The following PAN2 variants were observed in gnomAD, a reference collection of about 807,000 sequenced individuals.
PAN2 encodes the protein poly(A) specific ribonuclease subunit PAN2.
In PAN2, 68 loss-of-function variants were observed where a neutral mutation model predicts 133.3. That is an observed-to-expected ratio of 0.51 (90% CI 0.42 to 0.62). The LOEUF (loss-of-function observed/expected upper bound fraction) is 0.62. Ranked by LOEUF, PAN2 falls within the 20% of genes least tolerant of loss-of-function variation. PAN2 has a pLI of 0.00. For missense variants in PAN2, 1,042 were observed against 1,500.5 expected, an observed-to-expected ratio of 0.69 and a Z score of 5.05; for synonymous variants, 462 against 544.6, an observed-to-expected ratio of 0.85 and a Z score of 2.11.
In PAN2 at chr12:56,328,493, C is replaced by T; in HGVS notation, c.431G>A (p.Gly144Asp). The T allele has an allele frequency of 6.2e-7, 1 of 1,614,176 alleles. No homozygotes were observed. Among genetic ancestry groups the T allele is most frequent in the Non-Finnish European group, 8.5e-7 (1 of 1,179,984 alleles). ...TTACAGGTAATCAAATATAATGAGG[C>T]CCCCACGGGCCATATACTTGAGGTT... ...KNNLKYMARG[G>D]LIIFDYLLDE... The change falls in exon 3 of 26, where the codon GGC becomes GAC. Residue 144 changes from glycine to aspartate, a missense_variant. Coordinates refer to ENST00000440411, the MANE Select transcript of PAN2 (RefSeq NM_014871.6).
chr12:56,324,242 C>A, intron 12 of PAN2, 52 bp downstream of exon 12: 1 of 1,610,958 alleles, frequency 6.2e-7, no homozygotes, highest in Non-Finnish European at 8.5e-7. Context: ...CCTTTTAAAT[C>A]ACAGAGGGGC....
chr12:56,325,229 G>A (rs1874982170), intron 9 of PAN2, 101 bp from the exon 10 acceptor site: 1 of 1,577,572 alleles, frequency 6.3e-7, no homozygotes, highest in East Asian at 2.2e-5. Flanking sequence ...TGGGTCCAGG[G>A]TGGTAGTTGA....
At chr12:56,325,191 G>T in intron 9 of PAN2, 63 bp from the exon 10 acceptor site, 1 of 1,591,956 alleles carries the variant, frequency 6.3e-7, no homozygotes, top group Non-Finnish European at 8.6e-7. Context: ...CTTTCCAGTA[G>T]CCACAGCCTT....
Position 56,322,670 on chromosome 12 carries a change from C to T in PAN2, c.2582G>A (p.Gly861Glu). ...TTTGATGTGAGCCACCAGGCTGCCCCCTGTGCGTGAGTCCAGGATGTGTAC... is the reference window on the plus strand; with the variant it reads ...TTTGATGTGAGCCACCAGGCTGCCCTCTGTGCGTGAGTCCAGGATGTGTAC... ...TVVHILDSRT[G>E]GSLVAHIKVG... The change falls in exon 18 of 26, where the codon GGG (glycine) becomes GAG (glutamate). Residue 861 changes from glycine to glutamate, a missense_variant. Physicochemically the swap from Gly to Glu is moderately conservative, Grantham distance 98. Around this residue, in one of 3 missense-constraint regions of PAN2, gnomAD observed 908 missense variants for 1,223.5 expected, o/e 0.74. Coordinates refer to ENST00000440411, the MANE Select transcript of PAN2 (RefSeq NM_014871.6). 1 of 1,614,208 alleles carries T rather than the reference C, an allele frequency of 6.2e-7. No individual in the cohort carries two copies. Among genetic ancestry groups the T allele is most frequent in the South Asian group, 1.1e-5 (1 of 91,070 alleles).
At chr12:56,324,806 G>A (rs1874931010) in intron 10 of PAN2, 97 bp from the exon 11 acceptor site, 4 of 1,487,326 alleles carry the variant, frequency 2.7e-6, no homozygotes, top group Non-Finnish European at 3.6e-6. Flanking sequence ...TGTCCCAGAA[G>A]CAGGAGTCCA....
At chr12:56,328,393 C>G in intron 3 of PAN2, 35 bp from the exon 4 acceptor site, 10 of 1,596,446 alleles carry the variant, frequency 6.3e-6, no homozygotes, top group Non-Finnish European at 7.7e-6. Context: ...GGGCCCAGGC[C>G]TTACAAGCTG....
rs566664581 is a variant in PAN2, at chr12:56,327,647, T to C, written c.652-16A>G. 8 of 1,610,476 alleles carry C rather than the reference T, an allele frequency of 5.0e-6. No homozygotes were observed. In the Admixed American group the frequency reaches 6.7e-5, roughly 13 times the overall value. On this transcript the variant is annotated splice_polypyrimidine_tract_variant and intron_variant, in intron 5 of 25. Coordinates refer to ENST00000440411, the MANE Select transcript of PAN2 (RefSeq NM_014871.6). ...TCAGGGAAACCTAGAAAAAAAAAAT[T>C]CAGTTATCTGCAAATTCTGTTATCA...
intron 2 of PAN2, among the ~76,000 whole-genome samples, chr12:56,331,257 C>T (rs77232343): frequency 2.6e-5 from 4 of 152,176 alleles, no homozygotes; most frequent in Non-Finnish European, 4.4e-5. Flanking sequence ...TCTTCCAGTC[C>T]GGTAAATCCT....
In PAN2 at chr12:56,324,686, T is replaced by G; in HGVS notation, c.1623A>C (p.Val541=). The G allele has an allele frequency of 6.2e-7, 1 of 1,613,832 alleles. No individual in the cohort carries two copies. Among genetic ancestry groups the G allele is most frequent in the Middle Eastern group, 1.6e-4 (1 of 6,062 alleles). ...AAAGGTGGTTTTGAATTAGACAGCG[T>G]ACAGGCTCCAGGAAATAGAGCACCT... ...MIQVLYFLEP[V]RCLIQNHLCQ... The change falls in exon 11 of 26, where the codon GTA becomes GTC. Residue 541 remains valine, a synonymous_variant. Transcript: ENST00000440411.
rs756941771 is a variant in PAN2, at chr12:56,323,298, A to G, written c.2345+13T>C. Reference sequence around the variant, plus strand: ...CAATTCAATCCTTTGACAACTCCCAAGACAGCACCTACCAATCAGCCAAAG... The same window carrying G: ...CAATTCAATCCTTTGACAACTCCCAGGACAGCACCTACCAATCAGCCAAAG... On this transcript the variant is annotated intron_variant, in intron 16 of 25. Coordinates refer to ENST00000440411, the MANE Select transcript of PAN2 (RefSeq NM_014871.6). 6 of 1,614,148 alleles carry G rather than the reference A, an allele frequency of 3.7e-6. No individual in the cohort carries two copies. Among genetic ancestry groups the G allele is most frequent in the Non-Finnish European group, 4.2e-6 (5 of 1,180,030 alleles).
rs774863147 is a variant in PAN2 at position 56,323,891 on chromosome 12, G to A, written c.2088C>T (p.Asp696=). ...TGCTTCGCTTCAGCACCTGAGCAAA[G>A]TCATAGTTCTTCCCAGTTTTATCTG... The part of the protein sequence containing the change: ...YPDDKTGKNY[D]FAQVLKRSIC... Residue 696 remains aspartate (D), a synonymous_variant, in exon 14 of 26, where the codon GAC becomes GAT. Coordinates refer to ENST00000440411, the MANE Select transcript of PAN2 (RefSeq NM_014871.6). The A allele has an allele frequency of 2.5e-6, 4 of 1,614,034 alleles. No homozygotes were observed. The highest frequency in any genetic ancestry group is 1.7e-5 in the Admixed American group (1 of 60,036).
At position 56,319,796 on chromosome 12, in the gene PAN2, G is replaced by T. The variant is rs1456741291; in HGVS notation, c.2947-32C>A. The T allele has an allele frequency of 1.2e-6, 2 of 1,612,432 alleles. No homozygotes were observed. Among genetic ancestry groups the T allele is most frequent in the African/African-American group, 2.7e-5 (2 of 74,858 alleles). On this transcript the variant is annotated intron_variant, in intron 21 of 25. Coordinates refer to ENST00000440411, the MANE Select transcript of PAN2 (RefSeq NM_014871.6). This position sits in a 1 kb window ranked among gnomAD's most constrained non-coding sequence, Gnocchi z 5.4. ...GAGAAGAGTTAATAAGGAAATCAGAGAAATGCTTACAACTCCTAATATCCT... is the reference window on the plus strand; with the variant it reads ...GAGAAGAGTTAATAAGGAAATCAGATAAATGCTTACAACTCCTAATATCCT...
Position 56,323,887 on chromosome 12 carries a change from C to A in PAN2, c.2092G>T (p.Ala698Ser), listed in dbSNP as rs1483831863. 3 of 1,614,098 alleles carry A rather than the reference C, an allele frequency of 1.9e-6. No homozygotes were observed. Among genetic ancestry groups the A allele is most frequent in the Non-Finnish European group, 2.5e-6 (3 of 1,179,918 alleles). The change falls in exon 14 of 26, where the codon GCT (alanine) becomes TCT (serine). Residue 698 changes from alanine (A) to serine (S), a missense_variant. Physicochemically the swap from Ala to Ser is moderately conservative, Grantham distance 99. Transcript: ENST00000440411. ...DDKTGKNYDFAQVLKRSICLD... is the reference protein window; with the variant it reads ...DDKTGKNYDFSQVLKRSICLD... ...CAGATGCTTCGCTTCAGCACCTGAGCAAAGTCATAGTTCTTCCCAGTTTTA... is the reference window on the plus strand; with the variant it reads ...CAGATGCTTCGCTTCAGCACCTGAGAAAAGTCATAGTTCTTCCCAGTTTTA...
chr12:56,331,717 T>G (rs1203795685), intron 2 of PAN2, among the ~76,000 whole-genome samples: 2 of 148,240 alleles, frequency 1.3e-5, no homozygotes, highest in Non-Finnish European at 1.5e-5. Context: ...TTTTTTTTGT[T>G]TTTTGTTTTT....
At chr12:56,323,649 G>C (rs750796380) in intron 14 of PAN2, 51 bp from the exon 15 acceptor site, 4 of 1,541,098 alleles carry the variant, frequency 2.6e-6, no homozygotes, top group Non-Finnish European at 2.7e-6. Flanking sequence ...AGGAAAAGGA[G>C]TCTGGACAGG....
At chr12:56,325,826 A>G (rs1178188766) in intron 8 of PAN2, among the ~76,000 whole-genome samples, 4 of 152,246 alleles carry the variant, frequency 2.6e-5, no homozygotes, top group Non-Finnish European at 4.4e-5. Context: ...TACTCCGGCC[A>G]GACTGGTATA....
In PAN2 at chr12:56,332,877, C is replaced by T. The variant is rs757860674; in HGVS notation, c.218G>A (p.Gly73Asp). The T allele has an allele frequency of 6.2e-7, 1 of 1,614,210 alleles. No homozygotes were observed. The highest frequency in any genetic ancestry group is 1.1e-5 in the South Asian group (1 of 91,086). ...AAAGTGGGAGACGGAAACAGGTACA[C>T]CCACTTCAGCCACCACGCTGTGCAA... ...SELHSVVAEV[G>D]VPVSVSHFDL... is the part of the protein sequence containing the mutation. Residue 73 changes from glycine to aspartate, a missense_variant, in exon 2 of 26, where the codon GGT becomes GAT. Around this residue, in one of 3 missense-constraint regions of PAN2, gnomAD observed 908 missense variants for 1,223.5 expected, o/e 0.74. Transcript: ENST00000440411.
intron 2 of PAN2, 93 bp downstream of exon 2, chr12:56,332,720 G>C (rs921645580): frequency 8.5e-6 from 11 of 1,288,096 alleles, no homozygotes; most frequent in South Asian, 2.7e-5. Context: ...ACAACTCCTC[G>C]GTACTGGCTA....
chr12:56,333,636 C>A (rs1489766755), intron 1 of PAN2: 1 of 155,022 alleles, frequency 6.5e-6, no homozygotes, highest in Non-Finnish European at 1.4e-5. Flanking sequence ...TTCCTAGAAT[C>A]CTCTCCAATA....
Sources: allele counts gnomAD v4.1 joint callset (sites outside exome capture counted in the v4.1 genomes callset), GRCh38; gene constraint gnomAD v4.1.1; regional missense constraint gnomAD v4.1.1; non-coding constraint Gnocchi (gnomAD v3.1); transcripts MANE v1.5; gene names NCBI Gene and HGNC (gene_info 2026-07-23, HGNC 2026-07-21).